Variants in ZNF248 observed in about 807,000 individuals in gnomAD.
The protein encoded by ZNF248 is zinc finger protein 248, also known as KRAB protein domain.
In ZNF248, 20 loss-of-function variants were observed where a neutral mutation model predicts 44.3. The observed-to-expected ratio is 0.45, with a 90% CI of 0.32 to 0.66. The LOEUF is 0.66. Among genes scored for constraint, ZNF248 ranks in the 30% least tolerant of loss-of-function variants. The pLI is 0.04. For missense variants in ZNF248, 654 were observed against 677.0 expected, an observed-to-expected ratio of 0.97 and a Z score of 0.38; for synonymous variants, 224 against 229.0, an observed-to-expected ratio of 0.98 and a Z score of 0.20.
intron 6 of ZNF248, among the ~76,000 whole-genome samples, chr10:37,815,233 AT>A (rs1284025154): frequency 6.6e-6 from 1 of 151,850 alleles, no homozygotes; most frequent in Non-Finnish European, 1.5e-5. Flanking sequence ...TGCATGGCTA[AT>A]TTTTGTACTT....
intron 3 of ZNF248, among the ~76,000 whole-genome samples, chr10:37,845,945 G>T (rs1408808256): frequency 1.3e-5 from 2 of 152,162 alleles, no homozygotes; most frequent in African/African-American, 4.8e-5. Flanking sequence ...GAACATGCAC[G>T]CACTGCTGCT....
At chr10:37,848,794 T>C (rs2059749845) in intron 3 of ZNF248, among the ~76,000 whole-genome samples, 1 of 152,198 alleles carries the variant, frequency 6.6e-6, no homozygotes, top group African/African-American at 2.4e-5. Context: ...TACCAATTCA[T>C]CTACAATCCT....
chr10:37,760,191 G>A, the ZNF248 span, among the ~76,000 whole-genome samples: 1 of 152,136 alleles, frequency 6.6e-6, no homozygotes, highest in East Asian at 1.9e-4. Flanking sequence ...AAAATATATG[G>A]GGGGAATAAC....
intron 5 of ZNF248, 40 bp from the exon 6 acceptor site, chr10:37,833,156 T>C: frequency 6.5e-7 from 1 of 1,532,910 alleles, no homozygotes; most frequent in South Asian, 1.3e-5. Context: ...TGAACCTTAA[T>C]ACATTTCTGA....
At chr10:37,820,186 G>A in intron 6 of ZNF248, 2 of 1,237,830 alleles carry the variant, frequency 1.6e-6, no homozygotes, top group Non-Finnish European at 2.4e-6. Context: ...CTGTTTTCTA[G>A]TGCAGATATT....
chr10:37,765,955 A>G, the ZNF248 span, among the ~76,000 whole-genome samples: 45 of 152,360 alleles, frequency 3.0e-4, no homozygotes, highest in Admixed American at 9.1e-4. Flanking sequence ...ACACCAGGAG[A>G]TTATATCCCA....
chr10:37,856,413 G>A, intron 2 of ZNF248, 22 bp downstream of exon 2: 3 of 1,569,884 alleles, frequency 1.9e-6, no homozygotes, highest in Non-Finnish European at 2.6e-6. Context: ...TGCCTATACA[G>A]GTCCACACAC....
rs2055217470 is a variant in ZNF248, at chr10:37,830,083, C to A, written c.*1532G>T. 3 of 985,384 alleles carry A rather than the reference C, an allele frequency of 3.0e-6. No individual in the cohort carries two copies. The highest frequency in any genetic ancestry group is 3.6e-6 in the Non-Finnish European group (3 of 829,932). The allele number at this position is 985,384 out of a possible 1,614,324, so 61.0% of individuals were successfully genotyped here. A position where few individuals can be genotyped will look rare whatever the true frequency, so the allele number is the denominator to read the frequency against. On this transcript the variant is annotated 3_prime_UTR_variant, in exon 6 of 6. Coordinates refer to ENST00000395867, the MANE Select transcript of ZNF248 (RefSeq NM_021045.3). Reference sequence around the variant, plus strand: ...TACTCTAAAATACTAATACGCAGAACTAGTGTTACATAGACCGTGCCCAAA... The same window carrying A: ...TACTCTAAAATACTAATACGCAGAAATAGTGTTACATAGACCGTGCCCAAA...
intron 6 of ZNF248, among the ~76,000 whole-genome samples, chr10:37,799,516 G>A (rs186056288): frequency 1.6e-3 from 239 of 152,222 alleles, no homozygotes; most frequent in African/African-American, 5.4e-3. Flanking sequence ...CTGAGATCGC[G>A]CCACTGCACT....
chr10:37,828,423 T>C (rs190363218), downstream of ZNF248, among the ~76,000 whole-genome samples: 2 of 152,342 alleles, frequency 1.3e-5, no homozygotes, highest in East Asian at 3.9e-4. Context: ...ACAGAGCAAA[T>C]GTACTTTCTC....
chr10:37,829,831 TC>T lies in ZNF248; in HGVS notation c.*1783del. 1 of 985,450 alleles carries T rather than the reference TC, an allele frequency of 1.0e-6. No homozygotes were observed. The highest frequency in any genetic ancestry group is 1.2e-6 in the Non-Finnish European group (1 of 829,940). The allele number at this position is 985,450 out of a possible 1,614,324, so 61.0% of individuals were successfully genotyped here. On this transcript the variant is annotated 3_prime_UTR_variant, in exon 6 of 6. Transcript: ENST00000395867. ...CAATACTTCCCAAACATCTCATTGC[TC>T]CCAAGTTCACCCCAACAGAATCATT...
At chr10:37,808,349 C>T (rs1301853962) in intron 6 of ZNF248, among the ~76,000 whole-genome samples, 1 of 150,036 alleles carries the variant, frequency 6.7e-6, no homozygotes, top group Non-Finnish European at 1.5e-5. Context: ...GGGATGTGAT[C>T]TCAGCTCACT....
chr10:37,805,701 T>C (rs1400157071), intron 6 of ZNF248, among the ~76,000 whole-genome samples: 1 of 152,224 alleles, frequency 6.6e-6, no homozygotes, highest in East Asian at 1.9e-4. Flanking sequence ...ATGTGCATGA[T>C]GGAGCCATTC....
At chr10:37,850,789 C>T (rs1463147044) in intron 3 of ZNF248, among the ~76,000 whole-genome samples, 9 of 151,976 alleles carry the variant, frequency 5.9e-5, no homozygotes, top group Admixed American at 6.6e-5. Context: ...AAACCTCATA[C>T]CTTACACAAA....
Position 37,836,635 on chromosome 10 carries a change from T to C in ZNF248, c.238+982A>G, listed in dbSNP as rs189284864. ...CTCTAACCTACTGCCAAACAGACTATACCGTCATTCTTCGTCCTCCTTTCC... is the reference window on the plus strand; with the variant it reads ...CTCTAACCTACTGCCAAACAGACTACACCGTCATTCTTCGTCCTCCTTTCC... On this transcript the variant is annotated intron_variant, in intron 5 of 5. Transcript: ENST00000395867. Among the ~76,000 whole-genome samples, 148 of 152,280 alleles carry C rather than the reference T, an allele frequency of 9.7e-4. 3 individuals are homozygous for C. In the East Asian group the frequency reaches 0.026, roughly 27 times the overall value.
the ZNF248 span, among the ~76,000 whole-genome samples, chr10:37,765,849 C>G: frequency 7.2e-5 from 11 of 152,208 alleles, no homozygotes; most frequent in African/African-American, 2.7e-4. Context: ...AGGGAGTTCC[C>G]TTTCCTAGTC....
At chr10:37,837,856 C>A (rs1468174994) in intron 4 of ZNF248, 129 bp downstream of exon 4, 1 of 1,404,550 alleles carries the variant, frequency 7.1e-7, no homozygotes, top group East Asian at 2.3e-5. Flanking sequence ...GGCAAGAGCA[C>A]CTTTATGGTG....
Position 37,832,035 on chromosome 10 carries a change from T to C in ZNF248, c.1320A>G (p.Gln440=), listed in dbSNP as rs1404638291. The C allele has an allele frequency of 1.2e-6, 2 of 1,613,944 alleles. No individual in the cohort carries two copies. The highest frequency in any genetic ancestry group is 1.3e-5 in the African/African-American group (1 of 74,918). ...HTGEKPYECK[Q]CGKTFCVKSN... ...ACTTCACACAGAATGTTTTTCCACA[T>C]TGCTTACATTCATAGGGTTTTTCTC... The change falls in exon 6 of 6, where the codon CAA becomes CAG. Residue 440 remains glutamine (Q), a synonymous_variant. Transcript: ENST00000395867.
At chr10:37,835,364 G>C (rs1414572537) in intron 5 of ZNF248, among the ~76,000 whole-genome samples, 2 of 152,204 alleles carry the variant, frequency 1.3e-5, no homozygotes, top group Non-Finnish European at 2.9e-5. Context: ...CAAGATAGCA[G>C]TAACATGGAA....
Sources: allele counts gnomAD v4.1 joint callset (sites outside exome capture counted in the v4.1 genomes callset), GRCh38; gene constraint gnomAD v4.1.1; transcripts MANE v1.5; gene names NCBI Gene and HGNC (gene_info 2026-07-23, HGNC 2026-07-21).